Variants in ANXA8 observed in about 807,000 individuals in gnomAD.
ANXA8 encodes VAC-beta.
A neutral mutation model predicts 26.8 loss-of-function variants in ANXA8; 9 were observed. The observed-to-expected ratio is 0.34, with a 90% CI of 0.20 to 0.59. The LOEUF (loss-of-function observed/expected upper bound fraction) is 0.59, where lower values mean the gene tolerates loss of function less well. Ranked by LOEUF, ANXA8 falls within the 20% of genes least tolerant of loss-of-function variation. The pLI is 0.84. For missense variants in ANXA8, 83 were observed against 238.5 expected (o/e 0.35, Z 4.29); for synonymous variants, 39 against 94.8 (o/e 0.41, Z 3.42).
chr10:47,678,936 G>C, the ANXA8 span, among the ~76,000 whole-genome samples: 1 of 132,366 alleles, frequency 7.6e-6, no homozygotes, highest in African/African-American at 2.9e-5. Context: ...TCAGCTTCTT[G>C]GGAGGCTGAA....
At chr10:47,484,967 C>T (rs1218732531), upstream of ANXA8, among the ~76,000 whole-genome samples, 1 of 148,908 alleles carries the variant, frequency 6.7e-6, no homozygotes, top group Non-Finnish European at 1.5e-5. Flanking sequence ...CCGGGATCCA[C>T]CCGCTCATCC....
Position 47,484,049 on chromosome 10 carries a change from G to T in ANXA8, c.-116C>A. The T allele has an allele frequency of 1.2e-6, 2 of 1,610,692 alleles. No individual in the cohort carries two copies. Among genetic ancestry groups the T allele is most frequent in the Non-Finnish European group, 1.7e-6 (2 of 1,179,062 alleles). ...AGGAGTGAGCAGGCCGCTCACTTGGGTGTGGGGGTGCAAGCCCGCCCAGGG... is the reference window on the plus strand; with the variant it reads ...AGGAGTGAGCAGGCCGCTCACTTGGTTGTGGGGGTGCAAGCCCGCCCAGGG... On this transcript the variant is annotated 5_prime_UTR_variant, in exon 1 of 12. Coordinates refer to ENST00000585281, the MANE Select transcript of ANXA8 (RefSeq NM_001040084.3).
chr10:47,625,795 C>T, the ANXA8 span, among the ~76,000 whole-genome samples: 18 of 150,526 alleles, frequency 1.2e-4, no homozygotes, highest in Non-Finnish European at 2.5e-4. Flanking sequence ...GCCGTAGCCA[C>T]CATGATGTGC....
At chr10:47,544,100 G>A in the ANXA8 span, among the ~76,000 whole-genome samples, 1 of 151,828 alleles carries the variant, frequency 6.6e-6, no homozygotes, top group Non-Finnish European at 1.5e-5. Context: ...CCAGCACCCG[G>A]GCACGAAGGC....
upstream of ANXA8, among the ~76,000 whole-genome samples, chr10:47,488,713 A>ATTTTTTTTTTTTT (rs1160121365): frequency 3.1e-4 from 19 of 62,120 alleles, no homozygotes; most frequent in Non-Finnish European, 4.9e-4. Flanking sequence ...TACATGTTAA[A>ATTTTTTTTTTTTT]TTTTTTTTTT....
At chr10:47,954,175 TG>T in the ANXA8 span, among the ~76,000 whole-genome samples, 1 of 150,490 alleles carries the variant, frequency 6.6e-6, no homozygotes, top group Non-Finnish European at 1.5e-5. Context: ...ATAAAGAAAC[TG>T]TGGTACATAT....
the ANXA8 span, among the ~76,000 whole-genome samples, chr10:47,672,502 A>G: frequency 1.4e-4 from 21 of 151,580 alleles, no homozygotes; most frequent in African/African-American, 4.4e-4. Context: ...GCTTAAACTT[A>G]TAATTTATAA....
chr10:47,706,824 C>T, the ANXA8 span: 1 of 974,824 alleles, frequency 1.0e-6, no homozygotes, highest in South Asian at 1.4e-5. Context: ...GCCCGTTCTC[C>T]TTGAAGATAA....
upstream of ANXA8, among the ~76,000 whole-genome samples, chr10:47,484,952 G>A (rs1213333127): frequency 1.1e-4 from 16 of 149,040 alleles, no homozygotes; most frequent in South Asian, 8.7e-4. Context: ...ATTTCACCAC[G>A]CTTCCCGGGA....
chr10:47,706,024 G>A, the ANXA8 span, among the ~76,000 whole-genome samples: 2 of 151,886 alleles, frequency 1.3e-5, no homozygotes, highest in African/African-American at 2.4e-5. Flanking sequence ...GGGCGCCGCC[G>A]CGCGGTCGGT....
the ANXA8 span, among the ~76,000 whole-genome samples, chr10:47,493,494 G>T: frequency 2.0e-5 from 3 of 147,554 alleles, no homozygotes; most frequent in East Asian, 5.1e-4. Context: ...CTCACACAAG[G>T]GTCCTTTCTA....
chr10:47,701,929 C>T, the ANXA8 span, among the ~76,000 whole-genome samples: 1 of 151,200 alleles, frequency 6.6e-6, no homozygotes, highest in Non-Finnish European at 1.5e-5. Flanking sequence ...AGTATATTGA[C>T]TGGATTCTAT....
At chr10:47,627,547 C>T in the ANXA8 span, among the ~76,000 whole-genome samples, 6 of 149,814 alleles carry the variant, frequency 4.0e-5, no homozygotes, top group East Asian at 9.6e-4. Context: ...TTTATCTCCA[C>T]CACTGGCATT....
the ANXA8 span, among the ~76,000 whole-genome samples, chr10:47,495,662 G>GGAGGAGGAGGAGGAGGAA: frequency 1.0e-5 from 1 of 97,904 alleles, no homozygotes; most frequent in East Asian, 5.6e-4. Flanking sequence ...AGGAGGAAGA[G>GGAGGAGGAGGAGGAGGAA]GAGGAGGAGG....
At chr10:47,765,389 C>T in the ANXA8 span, among the ~76,000 whole-genome samples, 1 of 151,668 alleles carries the variant, frequency 6.6e-6, no homozygotes, top group Non-Finnish European at 1.5e-5. Context: ...TATCTTGACC[C>T]CTTCCCCCAG....
the ANXA8 span, chr10:47,507,640 A>G: frequency 6.6e-7 from 1 of 1,526,170 alleles, no homozygotes; most frequent in South Asian, 1.1e-5. Context: ...AGGCCTGCAG[A>G]CATTTTTTAA....
At chr10:47,475,248 C>T (rs879013409) in intron 6 of ANXA8, among the ~76,000 whole-genome samples, 59,926 of 123,292 alleles carry the variant, frequency 0.49, 10,289 homozygotes, top group East Asian at 0.8. Flanking sequence ...TGGCATGAGG[C>T]CTGCACGAAG....
the ANXA8 span, among the ~76,000 whole-genome samples, chr10:47,603,332 CA>C: frequency 1.3e-5 from 2 of 149,650 alleles, no homozygotes; most frequent in South Asian, 4.2e-4. Flanking sequence ...TAATGTTTAT[CA>C]GAGAATTCCA....
At chr10:47,743,361 T>TAC in the ANXA8 span, among the ~76,000 whole-genome samples, 2 of 42,782 alleles carry the variant, frequency 4.7e-5, no homozygotes, top group South Asian at 1.4e-3. Context: ...TATACACATA[T>TAC]ATATATATAC....
Sources: allele counts gnomAD v4.1 joint callset (sites outside exome capture counted in the v4.1 genomes callset), GRCh38; gene constraint gnomAD v4.1.1; transcripts MANE v1.5; gene names NCBI Gene and HGNC (gene_info 2026-07-23, HGNC 2026-07-21).